Variants in KGD4 observed in about 807,000 individuals in gnomAD.
The protein encoded by KGD4 is alpha-ketoglutarate dehydrogenase component 4.
the KGD4 span, chr5:69,229,245 T>A: frequency 6.2e-7 from 1 of 1,606,146 alleles, no homozygotes; most frequent in Non-Finnish European, 8.5e-7. Flanking sequence ...CTGCTGTTTG[T>A]CATCAGACAA....
chr5:69,217,807 G>A, the KGD4 span: 7 of 1,613,584 alleles, frequency 4.3e-6, no homozygotes, highest in East Asian at 2.2e-5. Flanking sequence ...TCGCGCCCCG[G>A]AAACTGCCCC....
the KGD4 span, chr5:69,218,230 C>T: frequency 3.7e-6 from 1 of 273,114 alleles, no homozygotes; most frequent in Non-Finnish European, 7.0e-6. Flanking sequence ...CTAGGATTGG[C>T]TGTGGTGCCC....
the KGD4 span, chr5:69,226,522 C>A: frequency 2.9e-6 from 2 of 692,338 alleles, no homozygotes; most frequent in South Asian, 4.0e-5. Context: ...TAGCTTAGAT[C>A]AAAATAGTGC....
the KGD4 span, among the ~76,000 whole-genome samples, chr5:69,222,333 A>C: frequency 3.3e-5 from 5 of 152,158 alleles, no homozygotes; most frequent in Non-Finnish European, 7.3e-5. Flanking sequence ...ATGGAAGTGG[A>C]ATGGGATAGG....
chr5:69,229,107 G>C, the KGD4 span: 29 of 828,940 alleles, frequency 3.5e-5, no homozygotes, highest in African/African-American at 5.2e-4. Context: ...AAAAACCAAA[G>C]ATTACTTACT....
chr5:69,225,923 G>GT, the KGD4 span, among the ~76,000 whole-genome samples: 1 of 152,134 alleles, frequency 6.6e-6, no homozygotes, highest in East Asian at 1.9e-4. Flanking sequence ...TAGAGACGGG[G>GT]TTTCACCATG....
the KGD4 span, chr5:69,228,243 T>G: frequency 1.2e-6 from 2 of 1,605,442 alleles, no homozygotes; most frequent in Non-Finnish European, 1.7e-6. Flanking sequence ...CTCACTCTTC[T>G]GTAATTTCAC....
the KGD4 span, among the ~76,000 whole-genome samples, chr5:69,220,708 G>A: frequency 3.9e-5 from 6 of 152,118 alleles, no homozygotes; most frequent in African/African-American, 1.2e-4. Context: ...CATCGAGAAC[G>A]GGCCATGATG....
At chr5:69,222,077 T>G in the KGD4 span, among the ~76,000 whole-genome samples, 1 of 145,642 alleles carries the variant, frequency 6.9e-6, no homozygotes, top group Non-Finnish European at 1.5e-5. Context: ...ACAAATGGTT[T>G]ATTCACGTAT....
At chr5:69,225,034 G>A in the KGD4 span, among the ~76,000 whole-genome samples, 4 of 148,668 alleles carry the variant, frequency 2.7e-5, no homozygotes, top group East Asian at 2.1e-4. Context: ...AGATCGTGCC[G>A]CTGCACTCCA....
the KGD4 span, among the ~76,000 whole-genome samples, chr5:69,221,357 A>G: frequency 4.6e-5 from 7 of 152,102 alleles, no homozygotes; most frequent in African/African-American, 7.2e-5. Context: ...ACAGAGCAAG[A>G]CCTGGTCTCA....
At chr5:69,228,478 A>G in the KGD4 span, 1 of 1,281,424 alleles carries the variant, frequency 7.8e-7, no homozygotes, top group East Asian at 2.4e-5. Context: ...TGCTATTCCT[A>G]TTGTCTTGTC....
chr5:69,222,619 G>C, the KGD4 span, among the ~76,000 whole-genome samples: 433 of 152,166 alleles, frequency 2.8e-3, 2 homozygotes, highest in African/African-American at 9.9e-3. Context: ...TTCTTGCTCA[G>C]GCTGGTCTCA....
At chr5:69,218,469 A>AGTGTGTGTGTGT in the KGD4 span, among the ~76,000 whole-genome samples, 2 of 52,036 alleles carry the variant, frequency 3.8e-5, no homozygotes, top group African/African-American at 1.2e-4. Context: ...TGTGTATATT[A>AGTGTGTGTGTGT]ATGTGTGTGT....
chr5:69,228,217 T>C, the KGD4 span: 1 of 1,565,446 alleles, frequency 6.4e-7, no homozygotes, highest in Admixed American at 2.0e-5. Context: ...AGCTTTGAGA[T>C]CAGCAGGGCT....
chr5:69,223,464 T>G, the KGD4 span, among the ~76,000 whole-genome samples: 67,753 of 151,642 alleles, frequency 0.45, 15,250 homozygotes, highest in South Asian at 0.56. Flanking sequence ...AGCCACAGAA[T>G]TACAGTGGTG....
At chr5:69,225,226 TC>T in the KGD4 span, among the ~76,000 whole-genome samples, 2 of 148,846 alleles carry the variant, frequency 1.3e-5, no homozygotes, top group Non-Finnish European at 3.0e-5. Context: ...CACCTCAGCC[TC>T]CCAAGTAGCT....
the KGD4 span, chr5:69,218,078 C>T: frequency 1.1e-5 from 8 of 727,222 alleles, no homozygotes; most frequent in Admixed American, 2.8e-5. Flanking sequence ...GCCGAGGGTT[C>T]GAGCCTTGCG....
At chr5:69,218,196 G>A in the KGD4 span, 5 of 368,374 alleles carry the variant, frequency 1.4e-5, no homozygotes, top group Non-Finnish European at 2.5e-5. Flanking sequence ...AGGCGACCCT[G>A]GCGGTAGCCT....
Sources: gnomAD v4.1 joint callset for allele counts (sites outside exome capture counted in the v4.1 genomes callset) on GRCh38, gnomAD v4.1.1 for gene constraint, MANE v1.5 for transcripts, NCBI Gene and HGNC (gene_info 2026-07-23, HGNC 2026-07-21) for gene names.